The following PIAS4 variants were observed in gnomAD, a reference collection of about 807,000 sequenced individuals.
PIAS4 encodes the protein E3 SUMO-protein ligase PIAS4.
PIAS4 carries 7 observed loss-of-function variants against 58.0 expected under a neutral mutation model. The ratio of observed to expected loss-of-function variants is 0.12; its 90% confidence interval spans 0.07 to 0.23. PIAS4 has a LOEUF of 0.23. Among genes scored for constraint, PIAS4 ranks in the 10% least tolerant of loss-of-function variants. The pLI, the probability that PIAS4 is intolerant of heterozygous loss-of-function variation, is 1.00. For synonymous variants in PIAS4, 364 were observed against 312.4 expected (o/e 1.17, Z -1.74); for missense variants, 550 against 709.5 (o/e 0.78, Z 2.55).
Position 4,037,829 on chromosome 19 carries a change from C to G in PIAS4, c.1487C>G (p.Pro496Arg). 6.4e-7 allele frequency: 1 copy of G among 1,571,962 alleles called. No homozygotes were observed. Among genetic ancestry groups the G allele is most frequent in the Non-Finnish European group, 8.6e-7 (1 of 1,160,122 alleles). Residue 496 changes from proline (P) to arginine (R), a missense_variant, in exon 11 of 11, where the codon CCC (proline) becomes CGC (arginine). Physicochemically the swap from Pro to Arg is moderately radical, Grantham distance 103. Around this residue, in one of 4 missense-constraint regions of PIAS4, gnomAD observed 188 missense variants for 192.0 expected, o/e 0.98. Coordinates refer to ENST00000262971, the MANE Select transcript of PIAS4 (RefSeq NM_015897.4). This position sits in a 1 kb window ranked among gnomAD's most constrained non-coding sequence, Gnocchi z 5.8. ...GACGAGGACGAAGAGGGGCCCCGGC[C>G]CAAGCGCCGCTGCCCCTTCCAGAAG... ...EEDEDEEGPRPKRRCPFQKGL... is the reference protein window; with the variant it reads ...EEDEDEEGPRRKRRCPFQKGL...
chr19:4,008,966 A>G (rs982619259), intron 1 of PIAS4, among the ~76,000 whole-genome samples: 2 of 152,138 alleles, frequency 1.3e-5, no homozygotes, highest in African/African-American at 2.4e-5. Context: ...CCCATGTCCC[A>G]TAGATACCAT....
At chr19:4,033,041 C>T (rs1237979331) in intron 7 of PIAS4, 59 bp from the exon 8 acceptor site, 2 of 1,382,006 alleles carry the variant, frequency 1.4e-6, no homozygotes, top group Admixed American at 1.7e-5. Context: ...ACTCGAATCA[C>T]AGCCCCGCGC....
At chr19:4,011,205 A>G (rs966235330) in intron 1 of PIAS4, among the ~76,000 whole-genome samples, 2 of 152,158 alleles carry the variant, frequency 1.3e-5, no homozygotes, top group Non-Finnish European at 2.9e-5. Context: ...TTCTTCGGGT[A>G]CCCGCCAGCT....
chr19:4,034,208 A>G (rs10423622), intron 9 of PIAS4, among the ~76,000 whole-genome samples: 8,143 of 152,192 alleles, frequency 0.054, 726 homozygotes, highest in African/African-American at 0.18. Flanking sequence ...AGCCGCCGGC[A>G]GGGCGCGAGG....
In PIAS4 at chr19:4,038,924, G is replaced by A. The variant is rs2040332595; in HGVS notation, c.*1049G>A. On this transcript the variant is annotated 3_prime_UTR_variant, in exon 11 of 11. Coordinates refer to ENST00000262971, the MANE Select transcript of PIAS4 (RefSeq NM_015897.4). The surrounding 1 kb of genome is among the most constrained non-coding windows in gnomAD (Gnocchi z 4.1). ...CTCTTCCAGCAGGACCAGACCAGGG[G>A]CCTCCTTCCTGTCCCCAGGCGTTCC... 6.6e-6 allele frequency: 1 copy of A among 152,450 alleles called. No individual in the cohort carries two copies. Among genetic ancestry groups the A allele is most frequent in the South Asian group, 2.1e-4 (1 of 4,846 alleles). The allele number at this position is 152,450 out of a possible 1,614,324, so 9.4% of individuals were successfully genotyped here.
rs575635847 is a variant in PIAS4, at chr19:4,027,319, G to A, written c.540-827G>A. 2.4e-4 allele frequency among the ~76,000 whole-genome samples: 37 copies of A among 152,288 alleles called. 1 individual carries two copies. The South Asian group carries it at 4.8e-3, about 20-fold the overall frequency. On this transcript the variant is annotated intron_variant, in intron 3 of 10. Transcript: ENST00000262971. ...TCGTGTCTGGCGTCTCTCACTGGGT[G>A]GGACATCCTCACGGTGCACCTGTGC...
chr19:4,023,500 G>A (rs2040131366), intron 2 of PIAS4, among the ~76,000 whole-genome samples: 1 of 152,124 alleles, frequency 6.6e-6, no homozygotes, highest in South Asian at 2.1e-4. Context: ...AAAAACCAAT[G>A]TTTTCTGACT....
intron 1 of PIAS4, among the ~76,000 whole-genome samples, chr19:4,011,727 GGTGTGGAGGTGTGTGGGGTGTGGAGGT>G (rs2039995383): frequency 1.4e-5 from 1 of 69,844 alleles, no homozygotes; most frequent in African/African-American, 5.9e-5. Flanking sequence ...AGGTGTGTGG[GGTGTGGAGGTGTGTGGGGTGTGGAGGT>G]GTGTGGGGTG....
At chr19:4,031,286 C>T (rs1250721950) in intron 7 of PIAS4, among the ~76,000 whole-genome samples, 3 of 152,204 alleles carry the variant, frequency 2.0e-5, no homozygotes, top group South Asian at 2.1e-4. Flanking sequence ...GCCTCCTGTG[C>T]ACTCCAGCCC....
At chr19:4,019,999 C>T (rs1443001183) in intron 2 of PIAS4, among the ~76,000 whole-genome samples, 1 of 151,942 alleles carries the variant, frequency 6.6e-6, no homozygotes, top group African/African-American at 2.4e-5. Context: ...TCACTGCAAG[C>T]TCCGCCTCCC....
chr19:4,021,221 C>T (rs544238438), intron 2 of PIAS4, among the ~76,000 whole-genome samples: 10 of 152,028 alleles, frequency 6.6e-5, no homozygotes, highest in Non-Finnish European at 1.0e-4. Flanking sequence ...TACACAATCT[C>T]GGCTCACTGC....
chr19:4,018,282 A>G (rs1026913468), intron 2 of PIAS4, among the ~76,000 whole-genome samples: 3 of 152,002 alleles, frequency 2.0e-5, no homozygotes, highest in African/African-American at 7.2e-5. Flanking sequence ...CTCCCTTTGC[A>G]TGTGTGATTG....
chr19:4,030,884 C>T (rs955442920), intron 7 of PIAS4, among the ~76,000 whole-genome samples: 3 of 152,122 alleles, frequency 2.0e-5, no homozygotes, highest in Non-Finnish European at 4.4e-5. Flanking sequence ...GAGGCTAGGC[C>T]TAACCTGGAG....
chr19:4,033,631 T>C, intron 9 of PIAS4, 51 bp downstream of exon 9: 1 of 1,482,688 alleles, frequency 6.7e-7, no homozygotes. Flanking sequence ...TCCGTGGAGG[T>C]CTCGGTGGCA....
At chr19:4,034,617 C>T (rs1278425026) in intron 9 of PIAS4, among the ~76,000 whole-genome samples, 1 of 152,224 alleles carries the variant, frequency 6.6e-6, no homozygotes, top group African/African-American at 2.4e-5. Context: ...ACGTGGGCTG[C>T]CTGAATGGCT....
Position 4,037,357 on chromosome 19 carries a change from T to C in PIAS4, c.1143-17T>C. 6.3e-7 allele frequency: 1 copy of C among 1,593,766 alleles called. No homozygotes were observed. Among genetic ancestry groups the C allele is most frequent in the Non-Finnish European group, 8.6e-7 (1 of 1,167,432 alleles). On this transcript the variant is annotated splice_polypyrimidine_tract_variant and intron_variant, in intron 9 of 10. Coordinates refer to ENST00000262971, the MANE Select transcript of PIAS4 (RefSeq NM_015897.4). The surrounding 1 kb of genome is among the most constrained non-coding windows in gnomAD (Gnocchi z 5.8). ...GGGCACCTCCAGCCCCGGCGTCAGC[T>C]GTCCGCCTCGCCCCAGGCTCCTCTC...
chr19:4,023,609 G>A (rs958072528), intron 2 of PIAS4, among the ~76,000 whole-genome samples: 4 of 152,202 alleles, frequency 2.6e-5, no homozygotes, highest in Non-Finnish European at 2.9e-5. Context: ...CACCACCTCT[G>A]TCCGGGTGAC....
chr19:4,011,721 G>C (rs879286138), intron 1 of PIAS4, among the ~76,000 whole-genome samples: 7,659 of 72,736 alleles, frequency 0.11, 663 homozygotes, highest in African/African-American at 0.12. Flanking sequence ...GTGTGGAGGT[G>C]TGTGGGGTGT....
chr19:4,028,702 C>A lies in PIAS4; in HGVS notation c.673-18C>A. On this transcript the variant is annotated intron_variant, in intron 5 of 10. Transcript: ENST00000262971. ...CAGCCGCTCTTGGCTCGAGGCTGAG[C>A]GGCCCATCTGCTTGCAGGGCTACTA... is the stretch of plus-strand genomic sequence containing the variant. The A allele has an allele frequency of 6.2e-7, 1 of 1,603,984 alleles. No individual in the cohort carries two copies. The highest frequency in any genetic ancestry group is 8.5e-7 in the Non-Finnish European group (1 of 1,174,042).
Sources: allele counts gnomAD v4.1 joint callset (sites outside exome capture counted in the v4.1 genomes callset), GRCh38; gene constraint gnomAD v4.1.1; regional missense constraint gnomAD v4.1.1; non-coding constraint Gnocchi (gnomAD v3.1); transcripts MANE v1.5; gene names NCBI Gene and HGNC (gene_info 2026-07-23, HGNC 2026-07-21).